The following CUBN variants were observed in gnomAD, a reference collection of about 807,000 sequenced individuals.
The protein encoded by CUBN is cubilin.
A neutral mutation model predicts 405.3 loss-of-function variants in CUBN; 282 were observed. The ratio of observed to expected loss-of-function variants is 0.70; its 90% CI spans 0.63 to 0.77. The LOEUF (loss-of-function observed/expected upper bound fraction) is 0.77, where lower values mean the gene tolerates loss of function less well. CUBN is among the 30% of genes least tolerant of loss of function. CUBN has a pLI of 0.00. For missense variants in CUBN, 4,514 were observed against 4,475.2 expected (o/e 1.01, Z -0.25); for synonymous variants, 1,684 against 1,617.0 (o/e 1.04, Z -0.99).
At position 16,828,649 on chromosome 10, in the gene CUBN, C is replaced by T. The variant is rs548757164; in HGVS notation, c.10764+156G>A. Among the ~76,000 whole-genome samples the T allele has an allele frequency of 5.9e-5, 9 of 151,710 alleles. No homozygotes were observed. The East Asian group carries it at 1.4e-3, about 23-fold the overall frequency. ...AGGAGAATTGCTTGAACCCAGGAGG[C>T]GGAGGTTGCAGTGAGTTGAGATTGC... is the stretch of plus-strand genomic sequence containing the variant. On this transcript the variant is annotated intron_variant, in intron 66 of 66. Transcript: ENST00000377833.
chr10:17,038,910 C>T (rs78777446), intron 27 of CUBN, among the ~76,000 whole-genome samples: 6 of 152,186 alleles, frequency 3.9e-5, no homozygotes, highest in African/African-American at 1.4e-4. Flanking sequence ...ATGGCATGAC[C>T]ATAACATGAC....
chr10:17,090,539 TGAAAC>T (rs1250485774), intron 14 of CUBN, among the ~76,000 whole-genome samples: 2 of 151,758 alleles, frequency 1.3e-5, no homozygotes, highest in Non-Finnish European at 2.9e-5. Context: ...ACAACTGAAG[TGAAAC>T]TGGTGAAATA....
At chr10:16,998,476 C>T (rs567442451) in intron 28 of CUBN, among the ~76,000 whole-genome samples, 1 of 152,300 alleles carries the variant, frequency 6.6e-6, no homozygotes, top group South Asian at 2.1e-4. Context: ...AGAGGGATGA[C>T]CCTGCCAACA....
intron 60 of CUBN, among the ~76,000 whole-genome samples, chr10:16,846,444 G>A (rs570713509): frequency 6.6e-6 from 1 of 152,226 alleles, no homozygotes; most frequent in African/African-American, 2.4e-5. Context: ...GGATAGTACA[G>A]TGATTTTCTG....
intron 28 of CUBN, among the ~76,000 whole-genome samples, chr10:17,006,013 A>G (rs1440734064): frequency 6.6e-6 from 1 of 152,186 alleles, no homozygotes; most frequent in Non-Finnish European, 1.5e-5. Flanking sequence ...CACAGGGAAA[A>G]GGCAGCATCC....
intron 43 of CUBN, among the ~76,000 whole-genome samples, chr10:16,920,865 C>G (rs1427066597): frequency 6.6e-6 from 1 of 152,194 alleles, no homozygotes; most frequent in Non-Finnish European, 1.5e-5. Flanking sequence ...CTGCTCAACT[C>G]TAGAACATTT....
intron 28 of CUBN, among the ~76,000 whole-genome samples, chr10:16,991,393 G>A (rs996943313): frequency 1.3e-5 from 2 of 152,058 alleles, no homozygotes; most frequent in African/African-American, 2.4e-5. Flanking sequence ...ACTAACTGAG[G>A]TGATCTGGTT....
chr10:16,890,442 C>A lies in CUBN; in HGVS notation c.8684G>T (p.Ser2895Ile). 6.2e-7 allele frequency: 1 copy of A among 1,614,144 alleles called. No homozygotes were observed. Among genetic ancestry groups the A allele is most frequent in the Non-Finnish European group, 8.5e-7 (1 of 1,180,018 alleles). ...CTGGAAGACGGCAGTGAATGTGTTA[C>A]TTGGTGTGATAACGGGACCCGGAGC... ...NVAPGPVITP[S>I]NTFTAVFQSQ... The change falls in exon 55 of 67, where the codon AGT (serine) becomes ATT (isoleucine). Residue 2895 changes from serine to isoleucine, a missense_variant. This residue lies in a region of CUBN where 1,186 missense variants were observed against 1,186.9 expected (regional missense o/e 1.00). Transcript: ENST00000377833.
At chr10:17,032,531 G>A (rs1834807556) in intron 27 of CUBN, among the ~76,000 whole-genome samples, 1 of 152,106 alleles carries the variant, frequency 6.6e-6, no homozygotes, top group Admixed American at 6.5e-5. Flanking sequence ...CTCAGTTACT[G>A]GACTACTATG....
chr10:16,843,982 C>G (rs1212730989), intron 60 of CUBN, among the ~76,000 whole-genome samples: 1 of 152,086 alleles, frequency 6.6e-6, no homozygotes. Context: ...AGAGACCTTC[C>G]AGACCTGCGG....
chr10:16,951,705 GA>G (rs1247002523), intron 33 of CUBN, among the ~76,000 whole-genome samples: 3 of 152,310 alleles, frequency 2.0e-5, no homozygotes, highest in South Asian at 4.1e-4. Context: ...AAAAAGAAAA[GA>G]AAGTAAGCGT....
At chr10:16,835,527 C>T (rs1346277768) in intron 63 of CUBN, among the ~76,000 whole-genome samples, 1 of 151,770 alleles carries the variant, frequency 6.6e-6, no homozygotes, top group Non-Finnish European at 1.5e-5. Context: ...ACTCTCTTTT[C>T]GACAAGGATG....
At chr10:17,049,912 C>A (rs1835225030) in intron 22 of CUBN, among the ~76,000 whole-genome samples, 1 of 152,140 alleles carries the variant, frequency 6.6e-6, no homozygotes, top group Non-Finnish European at 1.5e-5. Context: ...CCTTACTAAA[C>A]CTTGGGATAT....
chr10:17,123,513 A>C, intron 5 of CUBN, 75 bp downstream of exon 5: 1 of 1,117,028 alleles, frequency 9.0e-7, no homozygotes, highest in Non-Finnish European at 1.3e-6. Context: ...TGGAGAATTA[A>C]ATATGCCTGA....
chr10:16,904,225 T>G (rs1378276910), intron 50 of CUBN, 110 bp from the exon 51 acceptor site: 1 of 1,019,652 alleles, frequency 9.8e-7, no homozygotes, highest in Admixed American at 1.8e-5. Flanking sequence ...ACACTTAAAT[T>G]CTGATTTAGT....
chr10:16,824,843 T>C lies in CUBN; in HGVS notation c.*132A>G, dbSNP rs929744737. Reference sequence around the variant, plus strand: ...GGCCTACAAATATTGATTCTATCCATGGTTTGGTGAAAAACCATACAAGTT... The same window carrying C: ...GGCCTACAAATATTGATTCTATCCACGGTTTGGTGAAAAACCATACAAGTT... On this transcript the variant is annotated 3_prime_UTR_variant, in exon 67 of 67. Transcript: ENST00000377833. The C allele has an allele frequency of 1.2e-5, 9 of 730,432 alleles. No homozygotes were observed. Among genetic ancestry groups the C allele is most frequent in the Non-Finnish European group, 2.2e-5 (9 of 409,506 alleles). 45.2% of individuals were successfully genotyped at this position (730,432 alleles called of 1,614,324 possible). A position where few individuals can be genotyped will look rare whatever the true frequency, so the allele number is the denominator to read the frequency against.
chr10:16,830,060 C>T (rs762144547), intron 65 of CUBN, among the ~76,000 whole-genome samples: 13 of 152,210 alleles, frequency 8.5e-5, no homozygotes, highest in Non-Finnish European at 1.6e-4. Flanking sequence ...CTCAGCCTCC[C>T]GAGTAGCTGG....
Position 16,851,408 on chromosome 10 carries a change from A to C in CUBN, c.9490T>G (p.Ser3164Ala). The change falls in exon 60 of 67, where the codon TCG (serine) becomes GCG (alanine). Residue 3164 changes from serine (S) to alanine (A), a missense_variant. Physicochemically the swap from Ser to Ala is moderately conservative, Grantham distance 99. Around this residue, in one of 5 missense-constraint regions of CUBN, gnomAD observed 1,186 missense variants for 1,186.9 expected, o/e 1.00. Coordinates refer to ENST00000377833, the MANE Select transcript of CUBN (RefSeq NM_001081.4). ...QQGCGGYLTGSNNTFASPDSD... is the reference protein window; with the variant it reads ...QQGCGGYLTGANNTFASPDSD... ...TCAGGAGAGGCAAAGGTATTATTCGAGCCTGTCAGATAACCACCACATCCT... is the reference window on the plus strand; with the variant it reads ...TCAGGAGAGGCAAAGGTATTATTCGCGCCTGTCAGATAACCACCACATCCT... 4 of 1,614,156 alleles carry C rather than the reference A, an allele frequency of 2.5e-6. No individual in the cohort carries two copies. Among genetic ancestry groups the C allele is most frequent in the Non-Finnish European group, 3.4e-6 (4 of 1,180,024 alleles).
chr10:16,904,626 T>G (rs1403065901), intron 50 of CUBN, among the ~76,000 whole-genome samples: 1 of 152,254 alleles, frequency 6.6e-6, no homozygotes, highest in Admixed American at 6.5e-5. Flanking sequence ...AGATTACATT[T>G]CGTGGGTTTG....
Sources: allele counts gnomAD v4.1 joint callset (sites outside exome capture counted in the v4.1 genomes callset), GRCh38; gene constraint gnomAD v4.1.1; regional missense constraint gnomAD v4.1.1; transcripts MANE v1.5; gene names NCBI Gene and HGNC (gene_info 2026-07-23, HGNC 2026-07-21).